ZBTB2: variants seen among roughly 807,000 people sequenced by gnomAD.
ZBTB2 encodes the protein zinc finger and BTB domain-containing protein 2.
ZBTB2 carries 2 observed loss-of-function variants against 39.5 expected under a neutral mutation model. That is an observed-to-expected ratio of 0.05 (90% CI 0.02 to 0.16). The LOEUF is 0.16. Among genes scored for constraint, ZBTB2 ranks in the 10% least tolerant of loss-of-function variants. The pLI, the probability that ZBTB2 is intolerant of heterozygous loss-of-function variation, is 1.00. For synonymous variants in ZBTB2, 251 were observed against 256.6 expected (o/e 0.98, Z 0.21); for missense variants, 391 against 653.0 (o/e 0.60, Z 4.37).
intron 1 of ZBTB2, among the ~76,000 whole-genome samples, chr6:151,383,350 A>G (rs952796632): frequency 7.2e-5 from 11 of 152,176 alleles, no homozygotes; most frequent in Non-Finnish European, 1.5e-4. Context: ...TTGCCCAGCT[A>G]ATTATATGCA....
intron 1 of ZBTB2, among the ~76,000 whole-genome samples, chr6:151,380,894 C>CA (rs377488355): frequency 1.1e-4 from 17 of 152,250 alleles, no homozygotes; most frequent in African/African-American, 4.1e-4. Context: ...AAACTCAACT[C>CA]AATACCTCCC....
At chr6:151,367,670 G>A (rs1778680235) in intron 2 of ZBTB2, among the ~76,000 whole-genome samples, 1 of 152,190 alleles carries the variant, frequency 6.6e-6, no homozygotes, top group Non-Finnish European at 1.5e-5. Flanking sequence ...AGCCACCACA[G>A]CAAGATCCTT....
At chr6:151,369,372 G>A (rs574704762) in intron 2 of ZBTB2, among the ~76,000 whole-genome samples, 1 of 151,468 alleles carries the variant, frequency 6.6e-6, no homozygotes, top group Non-Finnish European at 1.5e-5. Context: ...TTTTTTGAGA[G>A]AGGGGGTCTT....
At position 151,373,653 on chromosome 6, in the gene ZBTB2, C is replaced by G; in HGVS notation, c.-12-4G>C. The G allele has an allele frequency of 6.2e-7, 1 of 1,608,838 alleles. No homozygotes were observed. Among genetic ancestry groups the G allele is most frequent in the Non-Finnish European group, 8.5e-7 (1 of 1,177,000 alleles). ...CCAAATCCATTTTTTAAAAAATCTG[C>G]AAAGCAAACAATTTTATTTTTAAGA... On this transcript the variant is annotated splice_region_variant and splice_polypyrimidine_tract_variant and intron_variant, in intron 1 of 2. Coordinates refer to ENST00000325144, the MANE Select transcript of ZBTB2 (RefSeq NM_020861.3).
intron 1 of ZBTB2, among the ~76,000 whole-genome samples, chr6:151,389,765 C>T (rs1001366750): frequency 1.3e-5 from 2 of 152,080 alleles, no homozygotes; most frequent in Non-Finnish European, 1.5e-5. Context: ...TTCACGTATT[C>T]GGGTGGAAGT....
At chr6:151,390,616 G>A (rs994263770) in intron 1 of ZBTB2, among the ~76,000 whole-genome samples, 1 of 151,486 alleles carries the variant, frequency 6.6e-6, no homozygotes, top group Non-Finnish European at 1.5e-5. Flanking sequence ...CGAGACCCGA[G>A]GAGGCCGGAA....
intron 1 of ZBTB2, among the ~76,000 whole-genome samples, chr6:151,391,000 GC>G (rs1216098150): frequency 6.8e-6 from 1 of 146,034 alleles, no homozygotes; most frequent in Non-Finnish European, 1.5e-5. Context: ...AACGCGAATC[GC>G]CCCCCTCCCC....
At chr6:151,390,264 C>T (rs1779255749) in intron 1 of ZBTB2, among the ~76,000 whole-genome samples, 1 of 150,532 alleles carries the variant, frequency 6.6e-6, no homozygotes, top group African/African-American at 2.4e-5. Flanking sequence ...GCCGCAACAG[C>T]CACCTCGTCC....
Position 151,366,407 on chromosome 6 carries a change from G to A in ZBTB2, c.659C>T (p.Thr220Ile). ...PVPPPPPGEE[T>I]NLEASSSDEQ... ...ATCGGAGGAAGATGCTTCCAGATTGGTCTCCTCCCCGGGAGGAGGGGGAGG... is the reference window on the plus strand; with the variant it reads ...ATCGGAGGAAGATGCTTCCAGATTGATCTCCTCCCCGGGAGGAGGGGGAGG... Residue 220 changes from threonine (T) to isoleucine (I), a missense_variant, in exon 3 of 3, where the codon ACC becomes ATC. Transcript: ENST00000325144. The surrounding 1 kb of genome is among the most constrained non-coding windows in gnomAD (Gnocchi z 7.1). 6.2e-7 allele frequency: 1 copy of A among 1,614,046 alleles called. No individual in the cohort carries two copies. The highest frequency in any genetic ancestry group is 1.1e-5 in the South Asian group (1 of 91,066).
Position 151,380,367 on chromosome 6 carries a change from T to C in ZBTB2, c.-12-6718A>G, listed in dbSNP as rs187746514. The stretch of plus-strand genomic sequence containing the variant: ...GTACTATGGGCTCCACCCTGGCCCC[T>C]GCCCAGTGACAGTACTGACTTCTCT... On this transcript the variant is annotated intron_variant, in intron 1 of 2. Coordinates refer to ENST00000325144, the MANE Select transcript of ZBTB2 (RefSeq NM_020861.3). 2.9e-4 allele frequency among the ~76,000 whole-genome samples: 44 copies of C among 152,352 alleles called. No homozygotes were observed. In the East Asian group the frequency reaches 8.1e-3, roughly 28 times the overall value.
At chr6:151,382,246 A>G (rs538798260) in intron 1 of ZBTB2, among the ~76,000 whole-genome samples, 1 of 152,294 alleles carries the variant, frequency 6.6e-6, no homozygotes, top group South Asian at 2.1e-4. Flanking sequence ...CTATGTATGA[A>G]AAAATACTTT....
intron 1 of ZBTB2, among the ~76,000 whole-genome samples, chr6:151,383,932 C>T (rs1004202299): frequency 1.3e-5 from 2 of 152,060 alleles, no homozygotes; most frequent in South Asian, 2.1e-4. Context: ...TTGTATATGG[C>T]CTAGGGTTTA....
chr6:151,389,371 A>C (rs1779233517), intron 1 of ZBTB2, among the ~76,000 whole-genome samples: 2 of 152,208 alleles, frequency 1.3e-5, no homozygotes, highest in Admixed American at 1.3e-4. Flanking sequence ...CCAATTTATA[A>C]TTTTGGTTTG....
chr6:151,373,112 A>ACG (rs1778820930), intron 2 of ZBTB2, among the ~76,000 whole-genome samples: 5 of 128,792 alleles, frequency 3.9e-5, no homozygotes, highest in Non-Finnish European at 6.3e-5. Flanking sequence ...CCGAGATTGC[A>ACG]CCACTGCACT....
At chr6:151,387,491 C>T (rs1248954840) in intron 1 of ZBTB2, among the ~76,000 whole-genome samples, 2 of 152,132 alleles carry the variant, frequency 1.3e-5, no homozygotes, top group African/African-American at 4.8e-5. Context: ...CTTAGACAAG[C>T]GCCGTTCAGA....
intron 2 of ZBTB2, among the ~76,000 whole-genome samples, chr6:151,369,849 T>C (rs2114855215): frequency 6.6e-6 from 1 of 152,236 alleles, no homozygotes; most frequent in East Asian, 1.9e-4. Context: ...GGTGCGCAGC[T>C]GTAACCCCAG....
In ZBTB2 at chr6:151,377,809, C is replaced by T. The variant is rs762744223; in HGVS notation, c.-12-4160G>A. On this transcript the variant is annotated intron_variant, in intron 1 of 2. Coordinates refer to ENST00000325144, the MANE Select transcript of ZBTB2 (RefSeq NM_020861.3). ...TTGGCCTCCCAAAGTGCTGGGATTA[C>T]GGACGTGAGCCACCGTGCCCGGGCA... Among the ~76,000 whole-genome samples, 5 of 151,962 alleles carry T rather than the reference C, an allele frequency of 3.3e-5. No homozygotes were observed. In the South Asian group the frequency reaches 8.3e-4, roughly 25 times the overall value.
chr6:151,370,180 G>A (rs1778756238), intron 2 of ZBTB2: 9 of 698,900 alleles, frequency 1.3e-5, no homozygotes, highest in Admixed American at 1.3e-4. Flanking sequence ...TTGTTGCCCA[G>A]GCTGGAGTGC....
chr6:151,383,839 G>A (rs1268450934), intron 1 of ZBTB2, among the ~76,000 whole-genome samples: 3 of 152,220 alleles, frequency 2.0e-5, no homozygotes, highest in East Asian at 1.9e-4. Context: ...ATGTGTGAAC[G>A]AGCCAGTTTA....
Sources: allele counts gnomAD v4.1 joint callset (sites outside exome capture counted in the v4.1 genomes callset), GRCh38; gene constraint gnomAD v4.1.1; non-coding constraint Gnocchi (gnomAD v3.1); transcripts MANE v1.5; gene names NCBI Gene and HGNC (gene_info 2026-07-23, HGNC 2026-07-21).